ADAMTS18: variants seen among roughly 807,000 people sequenced by gnomAD.
ADAMTS18 encodes the protein A disintegrin and metalloproteinase with thrombospondin motifs 18.
Under a neutral mutation model 165.9 loss-of-function variants are expected in ADAMTS18, and 157 were observed. The ratio of observed to expected loss-of-function variants is 0.95; its 90% CI spans 0.83 to 1.08. The LOEUF (loss-of-function observed/expected upper bound fraction) is 1.08. Among genes scored for constraint, ADAMTS18 ranks in the 50% least tolerant of loss-of-function variants. The pLI, the probability that ADAMTS18 is intolerant of heterozygous loss-of-function variation, is 0.00. For missense variants in ADAMTS18, 2,040 were observed against 1,534.0 expected, an observed-to-expected ratio of 1.33 and a Z score of -5.51; for synonymous variants, 782 against 578.2, an observed-to-expected ratio of 1.35 and a Z score of -5.06.
chr16:77,309,561 T>C (rs1221001122), intron 16 of ADAMTS18, among the ~76,000 whole-genome samples: 2 of 152,210 alleles, frequency 1.3e-5, no homozygotes, highest in African/African-American at 2.4e-5. Context: ...GACTTAGTGA[T>C]AAAAGTGAAG....
At chr16:77,322,541 G>T in intron 13 of ADAMTS18, 75 bp from the exon 14 acceptor site, 1 of 1,546,306 alleles carries the variant, frequency 6.5e-7, no homozygotes, top group Non-Finnish European at 8.9e-7. Context: ...TCAAAAGAAT[G>T]AATTAAATTT....
intron 3 of ADAMTS18, among the ~76,000 whole-genome samples, chr16:77,408,220 T>G (rs991979462): frequency 6.6e-6 from 1 of 152,078 alleles, no homozygotes; most frequent in Non-Finnish European, 1.5e-5. Context: ...CTGGCAAAGA[T>G]GAGGAACATG....
chr16:77,301,345 A>T (rs1201904543), intron 16 of ADAMTS18, among the ~76,000 whole-genome samples: 2 of 152,018 alleles, frequency 1.3e-5, no homozygotes, highest in African/African-American at 4.8e-5. Context: ...ACTGAGCTTA[A>T]GTAAAGCCAC....
At chr16:77,299,461 T>G (rs986348035) in intron 17 of ADAMTS18, among the ~76,000 whole-genome samples, 5 of 152,206 alleles carry the variant, frequency 3.3e-5, no homozygotes, top group African/African-American at 1.2e-4. Context: ...AATTTCTTCA[T>G]TTTCTGTATC....
At chr16:77,429,974 G>A (rs1365525990) in intron 3 of ADAMTS18, among the ~76,000 whole-genome samples, 2 of 152,284 alleles carry the variant, frequency 1.3e-5, no homozygotes, top group Non-Finnish European at 2.9e-5. Context: ...ATGAGTAAAT[G>A]CTGGTCTGAG....
intron 3 of ADAMTS18, among the ~76,000 whole-genome samples, chr16:77,385,987 G>T (rs1005142099): frequency 9.2e-5 from 14 of 152,200 alleles, no homozygotes; most frequent in Middle Eastern, 6.3e-3. Flanking sequence ...AGTCTCAAAA[G>T]TGATTAGTAG....
intron 7 of ADAMTS18, among the ~76,000 whole-genome samples, chr16:77,361,350 A>C (rs1425284337): frequency 6.6e-6 from 1 of 152,212 alleles, no homozygotes; most frequent in South Asian, 2.1e-4. Flanking sequence ...TATAGTATAG[A>C]TATAAAAGAT....
chr16:77,359,512 G>A, intron 7 of ADAMTS18, 89 bp from the exon 8 acceptor site: 3 of 976,812 alleles, frequency 3.1e-6, no homozygotes, highest in Non-Finnish European at 4.5e-6. Flanking sequence ...GTTCTACACA[G>A]TTTTAGTTTA....
intron 3 of ADAMTS18, among the ~76,000 whole-genome samples, chr16:77,412,690 G>A (rs990188724): frequency 6.6e-6 from 1 of 152,102 alleles, no homozygotes; most frequent in South Asian, 2.1e-4. Context: ...GAGAGAATGA[G>A]AACCAATGGA....
intron 16 of ADAMTS18, among the ~76,000 whole-genome samples, chr16:77,303,414 C>T (rs372377457): frequency 6.6e-6 from 1 of 152,316 alleles, no homozygotes; most frequent in Non-Finnish European, 1.5e-5. Context: ...CCCTGAAAGG[C>T]TGCTCATAGG....
At chr16:77,355,199 G>A (rs541525882) in intron 9 of ADAMTS18, among the ~76,000 whole-genome samples, 1 of 61,662 alleles carries the variant, frequency 1.6e-5, no homozygotes, top group African/African-American at 5.4e-5. Flanking sequence ...TATAAAGGTA[G>A]GATTGTGTGT....
chr16:77,293,179 C>A lies in ADAMTS18; in HGVS notation c.3086G>T (p.Ser1029Ile). 6.2e-7 allele frequency: 1 copy of A among 1,614,044 alleles called. No homozygotes were observed. The highest frequency in any genetic ancestry group is 1.1e-5 in the South Asian group (1 of 91,066). The change falls in exon 20 of 23, where the codon AGC (serine) becomes ATC (isoleucine). Residue 1029 changes from serine to isoleucine, a missense_variant. By Grantham distance (142) the Ser-to-Ile change is moderately radical. Transcript: ENST00000282849. Reference protein sequence around the residue: ...KGSAAETLPESQCTSLPRPEL... With the variant: ...KGSAAETLPEIQCTSLPRPEL... ...AGGTCTGGGGAGACTGGTACACTGG[C>A]TCTCGGGGAGGGTTTCTGCGGCAGA...
chr16:77,338,792 A>G (rs1459819084), intron 11 of ADAMTS18, among the ~76,000 whole-genome samples: 1 of 151,674 alleles, frequency 6.6e-6, no homozygotes, highest in Non-Finnish European at 1.5e-5. Context: ...TCTCTAATAA[A>G]AAATAGAAAA....
chr16:77,413,123 C>T (rs527623914), intron 3 of ADAMTS18, among the ~76,000 whole-genome samples: 2 of 152,120 alleles, frequency 1.3e-5, no homozygotes, highest in Admixed American at 6.5e-5. Context: ...ATCCTAGCAA[C>T]AAGAATAGAC....
At chr16:77,314,624 A>ATGT (rs765802389) in intron 16 of ADAMTS18, among the ~76,000 whole-genome samples, 9 of 67,434 alleles carry the variant, frequency 1.3e-4, no homozygotes, top group East Asian at 5.1e-4. Context: ...AAAAAAAAAA[A>ATGT]ATGTGTGTGT....
intron 22 of ADAMTS18, among the ~76,000 whole-genome samples, chr16:77,285,630 A>G (rs1286835667): frequency 1.3e-5 from 2 of 152,190 alleles, no homozygotes; most frequent in Non-Finnish European, 1.5e-5. Flanking sequence ...GTCAGGCAGG[A>G]GAAGTGAGAT....
At chr16:77,428,354 G>A (rs1272208945) in intron 3 of ADAMTS18, among the ~76,000 whole-genome samples, 2 of 152,066 alleles carry the variant, frequency 1.3e-5, no homozygotes, top group Non-Finnish European at 2.9e-5. Flanking sequence ...TAATTTCAGA[G>A]GAGTTATGAA....
At chr16:77,428,443 G>T (rs2057699999) in intron 3 of ADAMTS18, among the ~76,000 whole-genome samples, 2 of 152,096 alleles carry the variant, frequency 1.3e-5, no homozygotes, top group Non-Finnish European at 2.9e-5. Flanking sequence ...TTAACCATCA[G>T]AACAATGCAA....
intron 3 of ADAMTS18, among the ~76,000 whole-genome samples, chr16:77,410,354 C>T (rs1372793459): frequency 6.6e-6 from 1 of 151,406 alleles, no homozygotes; most frequent in Non-Finnish European, 1.5e-5. Flanking sequence ...TAGGCCTCAT[C>T]TTTTTTAAAA....
Sources: allele counts gnomAD v4.1 joint callset (sites outside exome capture counted in the v4.1 genomes callset), GRCh38; gene constraint gnomAD v4.1.1; transcripts MANE v1.5; gene names NCBI Gene and HGNC (gene_info 2026-07-23, HGNC 2026-07-21).